Variants in HCFC1R1 observed in about 807,000 individuals in gnomAD.
HCFC1R1 encodes the protein host cell factor C1 regulator 1, also known as HCF-1 beta-propeller-interacting protein.
HCFC1R1 carries 17 observed loss-of-function variants against 13.3 expected under a neutral mutation model. The ratio of observed to expected loss-of-function variants is 1.28; its 90% CI spans 0.87 to 1.91. The LOEUF (loss-of-function observed/expected upper bound fraction) is 1.91, where lower values mean the gene tolerates loss of function less well. Among genes scored for constraint, HCFC1R1 ranks in the 40% most tolerant of loss-of-function variants. The pLI, the probability that HCFC1R1 is intolerant of heterozygous loss-of-function variation, is 0.00. For synonymous variants in HCFC1R1, 87 were observed against 71.1 expected, an observed-to-expected ratio of 1.22 and a Z score of -1.12; for missense variants, 218 against 177.9, an observed-to-expected ratio of 1.23 and a Z score of -1.28.
intron 3 of HCFC1R1, 56 bp downstream of exon 3, chr16:3,023,177 C>G: frequency 6.6e-7 from 1 of 1,519,438 alleles, no homozygotes; most frequent in Non-Finnish European, 8.9e-7. Flanking sequence ...GGCCTGAGGT[C>G]AGCTGTGAGG....
At chr16:3,024,061 G>A (rs375572844), upstream of HCFC1R1, 71 of 875,444 alleles carry the variant, frequency 8.1e-5, 1 homozygote, top group East Asian at 8.2e-4. Flanking sequence ...GCGCGGGCGC[G>A]GAAGACGGGC....
intron 1 of HCFC1R1, 94 bp downstream of exon 1, chr16:3,023,753 C>T: frequency 3.5e-6 from 4 of 1,140,754 alleles, no homozygotes; most frequent in Admixed American, 2.2e-5. Flanking sequence ...CGCCGATTCG[C>T]CCCACCCCGT....
rs763460115 is a variant in HCFC1R1 at position 3,022,826 on chromosome 16, G to A, written c.*37C>T. On this transcript the variant is annotated 3_prime_UTR_variant, in exon 4 of 4. Transcript: ENST00000248089. ...AGTCGCTGGTCTCTTCTGTTGTGGGGAAGAAGGAAGGTGGGAGGGGCACTG... is the reference window on the plus strand; with the variant it reads ...AGTCGCTGGTCTCTTCTGTTGTGGGAAAGAAGGAAGGTGGGAGGGGCACTG... The A allele has an allele frequency of 1.4e-5, 21 of 1,473,134 alleles. No individual in the cohort carries two copies. The highest frequency in any genetic ancestry group is 1.8e-6 in the Non-Finnish European group (2 of 1,118,990). 91.3% of individuals were successfully genotyped at this position (1,473,134 alleles called of 1,614,324 possible).
chr16:3,023,239 G>A lies in HCFC1R1; in HGVS notation c.275C>T (p.Pro92Leu). ...GGCCAGTGGAGGAACCTACCTGAGT[G>A]GGGGCAGGGCTGGGGAGAAGGTCAT... The part of the protein sequence containing the change: ...PPMTFSPALP[P>L]LRSPCSELLL... Residue 92 changes from proline to leucine, a missense_variant, in exon 3 of 4, where the codon CCA (proline) becomes CTA (leucine). Coordinates refer to ENST00000248089, the MANE Select transcript of HCFC1R1 (RefSeq NM_017885.4). 2 of 1,547,588 alleles carry A rather than the reference G, an allele frequency of 1.3e-6. No homozygotes were observed. Among genetic ancestry groups the A allele is most frequent in the Non-Finnish European group, 1.7e-6 (2 of 1,146,478 alleles).
rs960539197 is a variant in HCFC1R1, at chr16:3,023,166, G to A, written c.281+67C>T. 4 of 1,507,992 alleles carry A rather than the reference G, an allele frequency of 2.7e-6. No homozygotes were observed. The African/African-American group carries it at 5.6e-5, about 21-fold the overall frequency. 93.4% of individuals were successfully genotyped at this position (1,507,992 alleles called of 1,614,324 possible). The stretch of plus-strand genomic sequence containing the variant: ...GAGCTAAAAATGGCACGATGAGGCA[G>A]GGCCTGAGGTCAGCTGTGAGGACCG... On this transcript the variant is annotated intron_variant, in intron 3 of 3. Transcript: ENST00000248089.
chr16:3,023,206 G>C, intron 3 of HCFC1R1, 27 bp downstream of exon 3: 3 of 1,537,722 alleles, frequency 2.0e-6, no homozygotes, highest in Non-Finnish European at 2.6e-6. Context: ...TGATTCTGCA[G>C]AAGGCCTGGC....
At chr16:3,023,407 G>A in intron 2 of HCFC1R1, 46 bp from the exon 3 acceptor site, 3 of 1,613,752 alleles carry the variant, frequency 1.9e-6, no homozygotes, top group Non-Finnish European at 2.5e-6. Context: ...TGACACAGGA[G>A]GCAGCCTGTT....
chr16:3,023,618 G>A, intron 1 of HCFC1R1, 88 bp from the exon 2 acceptor site: 2 of 1,404,494 alleles, frequency 1.4e-6, no homozygotes, highest in South Asian at 1.4e-5. Context: ...TCAGCCAGGA[G>A]CCCCAAGCCC....
upstream of HCFC1R1, chr16:3,024,282 A>G: frequency 2.5e-6 from 4 of 1,613,218 alleles, no homozygotes; most frequent in Non-Finnish European, 3.4e-6. Flanking sequence ...AGGCCTCGTG[A>G]GGTTGCGTCG....
chr16:3,023,909 G>A lies in HCFC1R1; in HGVS notation c.33C>T (p.Pro11=), dbSNP rs754226317. Residue 11 remains proline (P), a synonymous_variant, in exon 1 of 4, where the codon CCC becomes CCT. Transcript: ENST00000248089. ...GCGGGAGGCGCTGGGCCCCTCCCTGGGGGCCTCGCTGCAAGGGCTGCTGCA... is the reference window on the plus strand; with the variant it reads ...GCGGGAGGCGCTGGGCCCCTCCCTGAGGGCCTCGCTGCAAGGGCTGCTGCA... The part of the protein sequence containing the change: MILQQPLQRG[P]QGGAQRLPRA... The A allele has an allele frequency of 9.6e-6, 15 of 1,557,938 alleles. No homozygotes were observed. In the Admixed American group the frequency reaches 2.3e-4, roughly 24 times the overall value.
chr16:3,023,867 C>T lies in HCFC1R1; in HGVS notation c.75G>A (p.Val25=). 2 of 1,549,344 alleles carry T rather than the reference C, an allele frequency of 1.3e-6. No individual in the cohort carries two copies. Residue 25 remains valine, a synonymous_variant, in exon 1 of 4, where the codon GTG becomes GTA. Transcript: ENST00000248089. ...AQRLPRAALG[V]TWGLDASSPL... is the part of the protein sequence containing the mutation. ...CGCACCTGGCGTCCAGGCCCCAAGT[C>T]ACCCCCAAGGCGGCCCGCGGGAGGC...
upstream of HCFC1R1, chr16:3,024,258 G>A: frequency 6.2e-7 from 1 of 1,600,064 alleles, no homozygotes; most frequent in South Asian, 1.1e-5. Context: ...GAGAGGAACC[G>A]CTCTAGGCAC....
chr16:3,024,081 C>T (rs2151131961), upstream of HCFC1R1: 3 of 769,432 alleles, frequency 3.9e-6, no homozygotes, highest in South Asian at 3.6e-5. Context: ...CGGCGCGTGG[C>T]GGAAGGCAGG....
chr16:3,023,793 C>T, intron 1 of HCFC1R1, 54 bp downstream of exon 1: 2 of 1,377,866 alleles, frequency 1.5e-6, no homozygotes, highest in East Asian at 2.5e-5. Context: ...CCTGAGCACC[C>T]AGCCAAAGCT....
chr16:3,024,147 A>G (rs187624721), upstream of HCFC1R1: 4,726 of 749,778 alleles, frequency 6.3e-3, 44 homozygotes, highest in Middle Eastern at 0.014. Context: ...GGTGGACACC[A>G]CTTCTTAATG....
chr16:3,024,181 C>G (rs558356453), upstream of HCFC1R1: 2 of 1,004,246 alleles, frequency 2.0e-6, no homozygotes, highest in Non-Finnish European at 1.5e-6. Flanking sequence ...CGGCGCTCAC[C>G]TCGGCTCCTA....
chr16:3,023,189 C>T, intron 3 of HCFC1R1, 44 bp downstream of exon 3: 6 of 1,528,338 alleles, frequency 3.9e-6, no homozygotes, highest in South Asian at 1.3e-5. Flanking sequence ...GCTGTGAGGA[C>T]CGCCTGTGAT....
chr16:3,024,046 G>A, upstream of HCFC1R1: 2 of 961,386 alleles, frequency 2.1e-6, no homozygotes, highest in Middle Eastern at 2.5e-4. Context: ...CAGCCGCGAG[G>A]TTCTGCGCGG....
chr16:3,023,577 C>T, intron 1 of HCFC1R1, 47 bp from the exon 2 acceptor site: 1 of 1,516,966 alleles, frequency 6.6e-7, no homozygotes, highest in Non-Finnish European at 8.8e-7. Flanking sequence ...TTGGCCCCTT[C>T]CCAAGGATCT....
Sources: gnomAD v4.1 joint callset for allele counts on GRCh38, gnomAD v4.1.1 for gene constraint, MANE v1.5 for transcripts, NCBI Gene and HGNC (gene_info 2026-07-23, HGNC 2026-07-21) for gene names.